Variants in CHODL observed in about 807,000 individuals in gnomAD.
The protein encoded by CHODL is transmembrane protein MT75.
In CHODL, 29 loss-of-function variants were observed where a neutral mutation model predicts 34.5. The observed-to-expected ratio is 0.84, with a 90% confidence interval of 0.63 to 1.15. The LOEUF is 1.15. Among genes scored for constraint, CHODL ranks in the 50% most tolerant of loss-of-function variants. CHODL has a pLI of 0.00. For missense variants in CHODL, 332 were observed against 332.5 expected (o/e 1.00, Z 0.01); for synonymous variants, 125 against 116.1 (o/e 1.08, Z -0.49).
At chr21:18,037,751 G>T (rs985082758) in intron 2 of CHODL, among the ~76,000 whole-genome samples, 1 of 151,762 alleles carries the variant, frequency 6.6e-6, no homozygotes, top group Non-Finnish European at 1.5e-5. Flanking sequence ...TAGAATGTTT[G>T]ATGGTTTTAG....
chr21:18,192,946 C>G (rs2073528451), intron 2 of CHODL, among the ~76,000 whole-genome samples: 1 of 152,082 alleles, frequency 6.6e-6, no homozygotes, highest in South Asian at 2.1e-4. Flanking sequence ...TAGGCATTAA[C>G]TTTAAAGCTA....
intron 1 of CHODL, among the ~76,000 whole-genome samples, chr21:17,950,497 A>AACACAC (rs200120318): frequency 0.19 from 25,059 of 130,110 alleles, 2,356 homozygotes; most frequent in Non-Finnish European, 0.24. Context: ...CTAGATACAC[A>AACACAC]ACACACACAC....
At chr21:18,041,812 G>A (rs2064378999) in intron 2 of CHODL, among the ~76,000 whole-genome samples, 1 of 151,812 alleles carries the variant, frequency 6.6e-6, no homozygotes, top group Admixed American at 6.6e-5. Flanking sequence ...GTCTTAGGAA[G>A]GGCTTGATCA....
Position 18,244,892 on chromosome 21 carries a change from G to A in CHODL, c.-332G>A, listed in dbSNP as rs1049008383. 2 of 275,378 alleles carry A rather than the reference G, an allele frequency of 7.3e-6. No homozygotes were observed. Among genetic ancestry groups the A allele is most frequent in the Non-Finnish European group, 6.7e-6 (1 of 148,218 alleles). 17.1% of individuals were successfully genotyped at this position (275,378 alleles called of 1,614,324 possible). On this transcript the variant is annotated 5_prime_UTR_variant, in exon 1 of 6. Coordinates refer to ENST00000299295, the MANE Select transcript of CHODL (RefSeq NM_024944.3). Reference sequence around the variant, plus strand: ...CTCAGCCTCTCACTTGTCAGAGGCCGGGGAAGAGAAGCAAAGCGCAACGGT... The same window carrying A: ...CTCAGCCTCTCACTTGTCAGAGGCCAGGGAAGAGAAGCAAAGCGCAACGGT...
chr21:18,004,832 C>CAAA (rs66656507), intron 1 of CHODL, among the ~76,000 whole-genome samples: 2 of 129,506 alleles, frequency 1.5e-5, no homozygotes, highest in African/African-American at 2.7e-5. Flanking sequence ...TAAAAAATTG[C>CAAA]AAAAAAAAAA....
chr21:18,210,474 T>C (rs948909632), intron 2 of CHODL, among the ~76,000 whole-genome samples: 1 of 152,166 alleles, frequency 6.6e-6, no homozygotes, highest in African/African-American at 2.4e-5. Context: ...CTAGCTTGGT[T>C]CTTATGAAGG....
intron 1 of CHODL, among the ~76,000 whole-genome samples, chr21:17,939,668 A>G (rs2824565): frequency 0.35 from 53,497 of 151,922 alleles, 9,949 homozygotes; most frequent in South Asian, 0.49. Context: ...CTTCTCTCTT[A>G]CCTCTTTTAC....
At position 18,039,271 on chromosome 21, in the gene CHODL, A is replaced by C. The variant is rs1414345148; in HGVS notation, c.-45+11300A>C. Among the ~76,000 whole-genome samples the C allele has an allele frequency of 2.6e-5, 4 of 151,904 alleles. No individual in the cohort carries two copies. In the East Asian group the frequency reaches 7.8e-4, roughly 30 times the overall value. On this transcript the variant is annotated intron_variant, in intron 2 of 6. Transcript: ENST00000400127. The stretch of plus-strand genomic sequence containing the variant: ...ATTAAGTTTGCTATTCTAATATTTT[A>C]AGAAGAAATCTATTTTGATTGTTCA...
chr21:18,079,837 C>T (rs978140231), intron 2 of CHODL, among the ~76,000 whole-genome samples: 2 of 152,020 alleles, frequency 1.3e-5, no homozygotes, highest in African/African-American at 4.8e-5. Flanking sequence ...ATAGAATTTG[C>T]TATAATCCTA....
At chr21:18,230,921 A>G (rs1257860073) in intron 2 of CHODL, among the ~76,000 whole-genome samples, 2 of 152,082 alleles carry the variant, frequency 1.3e-5, no homozygotes, top group African/African-American at 4.8e-5. Context: ...ATGCTTTTCT[A>G]TTTTATGATT....
chr21:18,140,049 A>G (rs2072782839), intron 2 of CHODL, among the ~76,000 whole-genome samples: 1 of 152,156 alleles, frequency 6.6e-6, no homozygotes, highest in Non-Finnish European at 1.5e-5. Context: ...AAATTCACAG[A>G]AACAAAATGC....
At chr21:18,196,050 G>A (rs374347018) in intron 2 of CHODL, among the ~76,000 whole-genome samples, 32 of 151,936 alleles carry the variant, frequency 2.1e-4, no homozygotes, top group Middle Eastern at 6.8e-3. Context: ...TAAGAGTGTT[G>A]GATCAGAATT....
chr21:18,018,956 G>T (rs2146422867), intron 1 of CHODL, among the ~76,000 whole-genome samples: 1 of 152,298 alleles, frequency 6.6e-6, no homozygotes, highest in East Asian at 1.9e-4. Context: ...TACCCTCCAT[G>T]ACTTGATTAT....
At chr21:18,075,689 A>G (rs1041533124) in intron 2 of CHODL, among the ~76,000 whole-genome samples, 2 of 152,146 alleles carry the variant, frequency 1.3e-5, no homozygotes, top group Non-Finnish European at 2.9e-5. Flanking sequence ...TCTGCCTGCT[A>G]ATAGGCACTG....
chr21:18,144,477 T>G (rs369228214), intron 2 of CHODL, among the ~76,000 whole-genome samples: 256 of 152,270 alleles, frequency 1.7e-3, no homozygotes, highest in African/African-American at 5.8e-3. Flanking sequence ...TTTCAACCGG[T>G]GTGCATGTCA....
chr21:18,092,351 A>G (rs901470809), intron 2 of CHODL, among the ~76,000 whole-genome samples: 1 of 152,192 alleles, frequency 6.6e-6, no homozygotes, highest in Admixed American at 6.5e-5. Context: ...AGCCTTCCCA[A>G]GAAAGACAGG....
At chr21:18,093,421 C>A (rs1472600598) in intron 2 of CHODL, among the ~76,000 whole-genome samples, 1 of 152,014 alleles carries the variant, frequency 6.6e-6, no homozygotes, top group Non-Finnish European at 1.5e-5. Context: ...TAATAATAAA[C>A]ACACAGAAAA....
chr21:17,936,697 T>C (rs936007438), intron 1 of CHODL, among the ~76,000 whole-genome samples: 3 of 152,130 alleles, frequency 2.0e-5, no homozygotes, highest in Non-Finnish European at 4.4e-5. Context: ...AGTTCTAAGG[T>C]CCACAGAAAT....
At chr21:18,231,792 G>A (rs780648519) in intron 2 of CHODL, among the ~76,000 whole-genome samples, 1 of 151,604 alleles carries the variant, frequency 6.6e-6, no homozygotes, top group Non-Finnish European at 1.5e-5. Context: ...GCAGAGACTA[G>A]TCCTACTGTG....
Sources: allele counts gnomAD v4.1 joint callset (sites outside exome capture counted in the v4.1 genomes callset), GRCh38; gene constraint gnomAD v4.1.1; transcripts MANE v1.5; gene names NCBI Gene and HGNC (gene_info 2026-07-23, HGNC 2026-07-21).